The following XRCC4 variants were observed in gnomAD, a reference collection of about 807,000 sequenced individuals.
The protein encoded by XRCC4 is X-ray repair cross complementing 4, also known as DNA repair protein XRCC4.
XRCC4 carries 28 observed loss-of-function variants against 39.1 expected under a neutral mutation model. That is an observed-to-expected ratio of 0.72 (90% CI 0.53 to 0.98). XRCC4 has a LOEUF of 0.98. Ranked by LOEUF, XRCC4 falls within the 50% of genes least tolerant of loss-of-function variation. XRCC4 has a pLI of 0.00. For synonymous variants in XRCC4, 123 were observed against 126.4 expected (o/e 0.97, Z 0.18); for missense variants, 350 against 376.4 (o/e 0.93, Z 0.58).
intron 7 of XRCC4, among the ~76,000 whole-genome samples, chr5:83,329,643 A>G (rs1756374895): frequency 6.6e-6 from 1 of 152,140 alleles, no homozygotes; most frequent in Non-Finnish European, 1.5e-5. Context: ...AATTGAAACC[A>G]TACACCACCT....
At chr5:83,302,989 G>T (rs1318365706) in intron 7 of XRCC4, among the ~76,000 whole-genome samples, 1 of 152,136 alleles carries the variant, frequency 6.6e-6, no homozygotes, top group Non-Finnish European at 1.5e-5. Flanking sequence ...GAGGCGGGTG[G>T]ATCACTTGAG....
chr5:83,217,368 A>AC (rs1294093750), intron 6 of XRCC4, among the ~76,000 whole-genome samples: 3 of 151,636 alleles, frequency 2.0e-5, no homozygotes, highest in East Asian at 1.9e-4. Context: ...CAAAAAAAAA[A>AC]AAAAAAAAAC....
At chr5:83,121,046 T>A (rs375421940) in intron 3 of XRCC4, among the ~76,000 whole-genome samples, 1 of 152,224 alleles carries the variant, frequency 6.6e-6, no homozygotes. Flanking sequence ...AGTATGTACT[T>A]CTTTTTTCGG....
intron 3 of XRCC4, among the ~76,000 whole-genome samples, chr5:83,147,926 T>G (rs1238691869): frequency 1.3e-5 from 2 of 151,966 alleles, no homozygotes; most frequent in South Asian, 2.1e-4. Flanking sequence ...TAGCTGGGAT[T>G]ACAGACACAT....
chr5:83,310,839 A>G (rs745920950), intron 7 of XRCC4: 85 of 456,574 alleles, frequency 1.9e-4, no homozygotes, highest in Middle Eastern at 3.2e-4. Flanking sequence ...TGGAAGCAAA[A>G]TCAGAGAGAA....
intron 6 of XRCC4, among the ~76,000 whole-genome samples, chr5:83,245,299 G>A (rs528289407): frequency 4.6e-5 from 7 of 151,760 alleles, no homozygotes; most frequent in South Asian, 4.2e-4. Context: ...TACAATTACC[G>A]AAACAAGAGA....
chr5:83,211,439 G>T (rs542492991), intron 6 of XRCC4, among the ~76,000 whole-genome samples: 48 of 152,216 alleles, frequency 3.2e-4, no homozygotes, highest in Non-Finnish European at 5.1e-4. Context: ...TAACCTGGTT[G>T]TGCTCATGGT....
chr5:83,150,926 GGTTTT>G (rs910846672), intron 3 of XRCC4, among the ~76,000 whole-genome samples: 16 of 151,964 alleles, frequency 1.1e-4, no homozygotes, highest in Admixed American at 3.3e-4. Context: ...AGCCTATGAG[GGTTTT>G]GTTTTGTTTT....
Position 83,103,127 on chromosome 5 carries a change from G to C in XRCC4, c.-10-1783G>C, listed in dbSNP as rs79290390. ...ACTCTGTGCCACCATGAAAAAAGCTGTTTATAAGGTTTATTTAAACATGCG... is the reference window on the plus strand; with the variant it reads ...ACTCTGTGCCACCATGAAAAAAGCTCTTTATAAGGTTTATTTAAACATGCG... On this transcript the variant is annotated intron_variant, in intron 1 of 7. Transcript: ENST00000396027. Among the ~76,000 whole-genome samples the C allele has an allele frequency of 2.8e-3, 426 of 150,918 alleles. 11 individuals are homozygous for C. The East Asian group carries it at 0.072, about 25-fold the overall frequency.
intron 6 of XRCC4, 64 bp downstream of exon 6, chr5:83,204,985 C>A: frequency 9.0e-7 from 1 of 1,108,398 alleles, no homozygotes; most frequent in Non-Finnish European, 1.3e-6. Flanking sequence ...ATTCTAATGA[C>A]AAGAAACCAT....
At chr5:83,136,924 C>A (rs776411852) in intron 3 of XRCC4, among the ~76,000 whole-genome samples, 7 of 152,068 alleles carry the variant, frequency 4.6e-5, no homozygotes, top group Non-Finnish European at 8.8e-5. Flanking sequence ...TTGAAGGTTG[C>A]TAAGAGGATG....
intron 6 of XRCC4, among the ~76,000 whole-genome samples, chr5:83,229,537 T>TG (rs1048255434): frequency 1.3e-5 from 2 of 151,482 alleles, no homozygotes; most frequent in Non-Finnish European, 2.9e-5. Flanking sequence ...GTTCTTATTT[T>TG]GGGGGGAAAA....
At chr5:83,309,296 A>AAAAAAAAATATATATATATATAT (rs1561467702) in intron 7 of XRCC4, among the ~76,000 whole-genome samples, 5 of 72,230 alleles carry the variant, frequency 6.9e-5, no homozygotes, top group Admixed American at 2.5e-4. Flanking sequence ...AAAAAAAAAA[A>AAAAAAAAATATATATATATATAT]ATATATATAT....
chr5:83,290,549 C>A (rs1327502936), intron 7 of XRCC4, among the ~76,000 whole-genome samples: 1 of 151,662 alleles, frequency 6.6e-6, no homozygotes, highest in Non-Finnish European at 1.5e-5. Context: ...GTAAAACATA[C>A]TAGTAAGGCC....
At chr5:83,158,451 A>C (rs547185960) in intron 3 of XRCC4, among the ~76,000 whole-genome samples, 1 of 152,268 alleles carries the variant, frequency 6.6e-6, no homozygotes, top group East Asian at 1.9e-4. Flanking sequence ...GTGTCAACCT[A>C]TGAAAGATAC....
chr5:83,372,795 CAT>C, the XRCC4 span, among the ~76,000 whole-genome samples: 5 of 152,158 alleles, frequency 3.3e-5, no homozygotes, highest in African/African-American at 1.2e-4. Flanking sequence ...TGCTAGAAAA[CAT>C]GTGTAAAGCC....
intron 7 of XRCC4, among the ~76,000 whole-genome samples, chr5:83,304,726 T>C (rs1418362287): frequency 3.9e-5 from 3 of 76,722 alleles, no homozygotes; most frequent in African/African-American, 8.8e-5. Flanking sequence ...TTCCATGTTA[T>C]TGATTTTTTC....
At position 83,134,889 on chromosome 5, in the gene XRCC4, G is replaced by T. The variant is rs568270791; in HGVS notation, c.315+23686G>T. ...TCTGGACACGCCACCTTGAAGAGCTGTGACACTGACCGCGAAGGTCTGCAG... is the reference window on the plus strand; with the variant it reads ...TCTGGACACGCCACCTTGAAGAGCTTTGACACTGACCGCGAAGGTCTGCAG... On this transcript the variant is annotated intron_variant, in intron 3 of 7. Transcript: ENST00000396027. 2.6e-5 allele frequency among the ~76,000 whole-genome samples: 4 copies of T among 152,280 alleles called. No individual in the cohort carries two copies. In the South Asian group the frequency reaches 8.3e-4, roughly 32 times the overall value.
At chr5:83,233,902 CAAAA>C (rs10629125) in intron 6 of XRCC4, among the ~76,000 whole-genome samples, 2 of 78,014 alleles carry the variant, frequency 2.6e-5, no homozygotes, top group African/African-American at 4.4e-5. Context: ...GACTTCATCT[CAAAA>C]AAAAAAAAAA....
Sources: allele counts gnomAD v4.1 joint callset (sites outside exome capture counted in the v4.1 genomes callset), GRCh38; gene constraint gnomAD v4.1.1; transcripts MANE v1.5; gene names NCBI Gene and HGNC (gene_info 2026-07-23, HGNC 2026-07-21).